DPP6: variants seen among roughly 807,000 people sequenced by gnomAD.
The protein encoded by DPP6 is A-type potassium channel modulatory protein DPP6.
DPP6 carries 69 observed loss-of-function variants against 122.6 expected under a neutral mutation model. The ratio of observed to expected loss-of-function variants is 0.56; its 90% CI spans 0.46 to 0.69. DPP6 has a LOEUF of 0.69. Among genes scored for constraint, DPP6 ranks in the 30% least tolerant of loss-of-function variants. DPP6 has a pLI of 0.00. For missense variants in DPP6, 928 were observed against 1,116.9 expected (o/e 0.83, Z 2.41); for synonymous variants, 418 against 433.1 (o/e 0.97, Z 0.43).
chr7:154,620,667 C>T (rs1479802260), intron 5 of DPP6, among the ~76,000 whole-genome samples: 2 of 152,184 alleles, frequency 1.3e-5, no homozygotes, highest in Non-Finnish European at 2.9e-5. Context: ...GTGGAGTCCT[C>T]TCTATAGCAG....
chr7:154,340,717 A>T (rs1809853993), intron 1 of DPP6, among the ~76,000 whole-genome samples: 2 of 152,212 alleles, frequency 1.3e-5, no homozygotes, highest in Non-Finnish European at 2.9e-5. Flanking sequence ...GGTGGCAATT[A>T]TTGCAAAAAA....
At chr7:153,818,898 C>T in the DPP6 span, among the ~76,000 whole-genome samples, 3 of 151,874 alleles carry the variant, frequency 2.0e-5, no homozygotes, top group East Asian at 5.8e-4. Context: ...ATTACAGGTG[C>T]ATGCCACCAC....
the DPP6 span, among the ~76,000 whole-genome samples, chr7:153,862,935 G>T: frequency 3.3e-5 from 5 of 151,954 alleles, no homozygotes; most frequent in Admixed American, 6.6e-5. Context: ...AAAAGAAATA[G>T]ACCAACAGGG....
chr7:154,128,032 C>A (rs1460247509), intron 1 of DPP6, among the ~76,000 whole-genome samples: 2 of 150,038 alleles, frequency 1.3e-5, no homozygotes, highest in Admixed American at 6.7e-5. Flanking sequence ...AAGAACGTCT[C>A]CACAGAGGGA....
chr7:154,650,199 C>T (rs1267688026), intron 6 of DPP6, among the ~76,000 whole-genome samples: 2 of 152,034 alleles, frequency 1.3e-5, no homozygotes, highest in Non-Finnish European at 2.9e-5. Flanking sequence ...GTGGCACGTG[C>T]CTGTGATCCC....
rs566546197 is a variant in DPP6, at chr7:154,699,720, C to G, written c.763-28047C>G. Among the ~76,000 whole-genome samples the G allele has an allele frequency of 6.8e-4, 103 of 152,322 alleles. 1 individual carries two copies. Among genetic ancestry groups the G allele is most frequent in the African/African-American group, 2.5e-3 (102 of 41,572 alleles). On this transcript the variant is annotated intron_variant, in intron 7 of 25. Coordinates refer to ENST00000377770, the MANE Select transcript of DPP6 (RefSeq NM_130797.4). Reference sequence around the variant, plus strand: ...CCCAGGTGCTGCTGAGTGGCTGGGCCCAGAGTGGCCTTGGAGAAGCCCTGG... The same window carrying G: ...CCCAGGTGCTGCTGAGTGGCTGGGCGCAGAGTGGCCTTGGAGAAGCCCTGG...
intron 16 of DPP6, among the ~76,000 whole-genome samples, chr7:154,848,085 G>A (rs1563278799): frequency 6.6e-6 from 1 of 152,214 alleles, no homozygotes; most frequent in Non-Finnish European, 1.5e-5. Context: ...GGGCAGGTAG[G>A]CTGTCTCCAT....
intron 1 of DPP6, among the ~76,000 whole-genome samples, chr7:153,902,768 G>A (rs1799691557): frequency 6.6e-6 from 1 of 152,020 alleles, no homozygotes; most frequent in Non-Finnish European, 1.5e-5. Flanking sequence ...CCTGGGAAGG[G>A]GAGGTTGCAG....
chr7:153,942,095 A>G (rs1171274650), intron 1 of DPP6, among the ~76,000 whole-genome samples: 4 of 152,226 alleles, frequency 2.6e-5, no homozygotes, highest in South Asian at 2.1e-4. Flanking sequence ...AGGAATTGCT[A>G]TTCCCCACCT....
At chr7:153,918,466 A>ACACACACT (rs1379555083) in intron 1 of DPP6, among the ~76,000 whole-genome samples, 32 of 95,994 alleles carry the variant, frequency 3.3e-4, no homozygotes, top group African/African-American at 9.6e-4. Context: ...ACACACACAC[A>ACACACACT]CTCTCTCTCT....
At chr7:154,163,878 C>T (rs868227529) in intron 1 of DPP6, among the ~76,000 whole-genome samples, 41 of 152,174 alleles carry the variant, frequency 2.7e-4, no homozygotes, top group African/African-American at 8.4e-4. Flanking sequence ...CTACAGGGCA[C>T]GCCTTCTTCC....
chr7:154,729,068 C>T (rs1842209130), intron 8 of DPP6, among the ~76,000 whole-genome samples: 1 of 152,042 alleles, frequency 6.6e-6, no homozygotes, highest in Admixed American at 6.5e-5. Flanking sequence ...AATAATTGGC[C>T]CAAGTTTACA....
At chr7:154,688,326 G>A (rs1259462612) in intron 7 of DPP6, among the ~76,000 whole-genome samples, 3 of 152,116 alleles carry the variant, frequency 2.0e-5, no homozygotes, top group African/African-American at 7.2e-5. Context: ...ATAGTTCCCA[G>A]TTTATTTACT....
rs972112514 is a variant in DPP6 at position 154,772,887 on chromosome 7, T to C, written c.1081T>C (p.Leu361=). The part of the protein sequence containing the change: ...NPSISLHVIG[L]NGPTHDLEMM... ...CAGCATTTCCCTACACGTTATTGGCTTAAATGGACCCACCCATGATCTGGA... is the reference window on the plus strand; with the variant it reads ...CAGCATTTCCCTACACGTTATTGGCCTAAATGGACCCACCCATGATCTGGA... Residue 361 remains leucine (L), a synonymous_variant, in exon 10 of 26, where the codon TTA becomes CTA. Coordinates refer to ENST00000377770, the MANE Select transcript of DPP6 (RefSeq NM_130797.4). The C allele has an allele frequency of 2.5e-6, 4 of 1,613,440 alleles. No individual in the cohort carries two copies. The highest frequency in any genetic ancestry group is 3.4e-6 in the Non-Finnish European group (4 of 1,179,736).
chr7:154,644,148 C>A (rs751162845), intron 6 of DPP6, among the ~76,000 whole-genome samples: 3 of 152,150 alleles, frequency 2.0e-5, no homozygotes, highest in Non-Finnish European at 4.4e-5. Context: ...CCTTTTGGAG[C>A]AGAAGAGGAA....
intron 2 of DPP6, among the ~76,000 whole-genome samples, chr7:154,462,125 C>T (rs1270877228): frequency 6.6e-6 from 1 of 152,124 alleles, no homozygotes; most frequent in Non-Finnish European, 1.5e-5. Context: ...ACTGTCCTTT[C>T]CCCAATATAT....
chr7:154,760,257 T>G lies in DPP6; in HGVS notation c.884-9160T>G, dbSNP rs1199356629. On this transcript the variant is annotated intron_variant, in intron 8 of 25. Coordinates refer to ENST00000377770, the MANE Select transcript of DPP6 (RefSeq NM_130797.4). This position sits in a 1 kb window ranked among gnomAD's most constrained non-coding sequence, Gnocchi z 4.5. ...GCGGATTCTGGGATTAGCAGGTGAT[T>G]GGTGGAAGGAACGGGGAGGTTTGGA... Among the ~76,000 whole-genome samples the G allele has an allele frequency of 6.6e-6, 1 of 152,136 alleles. No homozygotes were observed. Among genetic ancestry groups the G allele is most frequent in the Admixed American group, 6.5e-5 (1 of 15,272 alleles).
intron 16 of DPP6, among the ~76,000 whole-genome samples, chr7:154,815,628 C>A (rs1016049292): frequency 6.6e-6 from 1 of 152,204 alleles, no homozygotes; most frequent in Non-Finnish European, 1.5e-5. Flanking sequence ...TTGGTGCTTC[C>A]TACTGAAACA....
At chr7:154,330,671 C>T (rs1796111519) in intron 1 of DPP6, among the ~76,000 whole-genome samples, 1 of 152,226 alleles carries the variant, frequency 6.6e-6, no homozygotes. Context: ...GCGCCAGAGG[C>T]AACCGTGTAC....
Sources: gnomAD v4.1 joint callset for allele counts (sites outside exome capture counted in the v4.1 genomes callset) on GRCh38, gnomAD v4.1.1 for gene constraint, Gnocchi (gnomAD v3.1) non-coding constraint, MANE v1.5 for transcripts, NCBI Gene and HGNC (gene_info 2026-07-23, HGNC 2026-07-21) for gene names.